Variants in PDE2A observed in about 807,000 individuals in gnomAD.
The protein encoded by PDE2A is phosphodiesterase 2A.
In PDE2A, 53 loss-of-function variants were observed where a neutral mutation model predicts 133.6. The observed-to-expected ratio is 0.40, with a 90% CI of 0.32 to 0.50. The LOEUF is 0.50. Among genes scored for constraint, PDE2A ranks in the 20% least tolerant of loss-of-function variants. The pLI is 0.73. For missense variants in PDE2A, 796 were observed against 1,232.4 expected (o/e 0.65, Z 5.30); for synonymous variants, 491 against 490.2 (o/e 1.00, Z -0.02).
intron 11 of PDE2A, 76 bp downstream of exon 11, chr11:72,589,675 A>G: frequency 8.2e-7 from 1 of 1,226,726 alleles, no homozygotes; most frequent in Non-Finnish European, 1.2e-6. Context: ...CAAATACTCC[A>G]GGCAGATCCC....
rs570818339 is a variant in PDE2A at position 72,596,713 on chromosome 11, G to A, written c.434-65C>T. On this transcript the variant is annotated intron_variant, in intron 5 of 30. Coordinates refer to ENST00000334456, the MANE Select transcript of PDE2A (RefSeq NM_002599.5). ...GCGAGGCTCAGAGATACCGAGCCGG[G>A]ACCCAGGTGGGGGAGACAAAGATGC... The A allele has an allele frequency of 1.8e-5, 19 of 1,079,292 alleles. No homozygotes were observed. In the African/African-American group the frequency reaches 2.8e-4, roughly 16 times the overall value. The allele number at this position is 1,079,292 out of a possible 1,614,324, so 66.9% of individuals were successfully genotyped here. A position where few individuals can be genotyped will look rare whatever the true frequency, so the allele number is the denominator to read the frequency against.
At chr11:72,640,016 C>T (rs980759066) in intron 2 of PDE2A, among the ~76,000 whole-genome samples, 2 of 152,070 alleles carry the variant, frequency 1.3e-5, no homozygotes, top group African/African-American at 2.4e-5. Context: ...GTCCTCAACA[C>T]CCCCAACACA....
At chr11:72,656,271 A>G (rs1854899527) in intron 1 of PDE2A, among the ~76,000 whole-genome samples, 1 of 152,192 alleles carries the variant, frequency 6.6e-6, no homozygotes, top group Non-Finnish European at 1.5e-5. Flanking sequence ...TTTCTTCATC[A>G]GGACAATGGG....
chr11:72,585,629 G>C (rs1435968870), intron 14 of PDE2A, 36 bp from the exon 15 acceptor site: 1 of 1,601,500 alleles, frequency 6.2e-7, no homozygotes, highest in Non-Finnish European at 8.5e-7. Context: ...AGGGGGGTCG[G>C]GGTGTAGGGG....
intron 4 of PDE2A, chr11:72,598,725 A>C: frequency 7.9e-7 from 1 of 1,268,732 alleles, no homozygotes; most frequent in South Asian, 1.3e-5. Context: ...TCACTAGGTC[A>C]GAGACTCTAG....
At chr11:72,625,990 G>T (rs1036506668) in intron 2 of PDE2A, among the ~76,000 whole-genome samples, 1 of 152,236 alleles carries the variant, frequency 6.6e-6, no homozygotes, top group Admixed American at 6.5e-5. Context: ...GCCCGGGGCC[G>T]CAGCATCTGG....
chr11:72,600,004 G>T (rs1176647247), intron 4 of PDE2A, among the ~76,000 whole-genome samples: 1 of 152,236 alleles, frequency 6.6e-6, no homozygotes, highest in Non-Finnish European at 1.5e-5. Flanking sequence ...AGGCAGACAG[G>T]AAAGGATGTC....
chr11:72,584,813 C>T (rs2135286593), intron 17 of PDE2A, 59 bp downstream of exon 17: 3 of 1,609,570 alleles, frequency 1.9e-6, no homozygotes, highest in Non-Finnish European at 1.7e-6. Context: ...CGCTCCCCAG[C>T]GCCGCCGGCG....
chr11:72,638,879 G>T (rs954068610), intron 2 of PDE2A, among the ~76,000 whole-genome samples: 7 of 152,224 alleles, frequency 4.6e-5, no homozygotes, highest in Admixed American at 3.9e-4. Flanking sequence ...TGTTGCCTGG[G>T]GAATGGCCAG....
chr11:72,645,688 G>A (rs1021769510), intron 1 of PDE2A, among the ~76,000 whole-genome samples: 2 of 152,238 alleles, frequency 1.3e-5, no homozygotes, highest in Non-Finnish European at 2.9e-5. Context: ...TGGAGTAGAT[G>A]CATCTCCTCC....
intron 3 of PDE2A, 149 bp downstream of exon 3, chr11:72,608,513 C>A (rs1686778915): frequency 1.9e-6 from 1 of 529,496 alleles, no homozygotes; most frequent in Admixed American, 3.0e-5. Flanking sequence ...CTCAGAACAC[C>A]CATCCAGACC....
At chr11:72,623,055 C>T (rs1857858094) in intron 2 of PDE2A, among the ~76,000 whole-genome samples, 1 of 152,100 alleles carries the variant, frequency 6.6e-6, no homozygotes, top group Non-Finnish European at 1.5e-5. Context: ...CCCTTTCCAG[C>T]GATCATGTCC....
intron 1 of PDE2A, among the ~76,000 whole-genome samples, chr11:72,664,518 C>T (rs528750870): frequency 4.6e-5 from 7 of 150,848 alleles, no homozygotes; most frequent in African/African-American, 7.3e-5. Flanking sequence ...GGACTACAGG[C>T]GCCCCCCACC....
chr11:72,671,447 A>C (rs1855382319), intron 1 of PDE2A, among the ~76,000 whole-genome samples: 1 of 152,152 alleles, frequency 6.6e-6, no homozygotes, highest in Non-Finnish European at 1.5e-5. Context: ...CTCCCAGTCC[A>C]TTAAGACCAA....
chr11:72,663,683 C>T (rs891314986), intron 1 of PDE2A, among the ~76,000 whole-genome samples: 7 of 148,394 alleles, frequency 4.7e-5, no homozygotes, highest in African/African-American at 1.8e-4. Context: ...GAGACAAGAT[C>T]GCACCACTGC....
chr11:72,583,737 G>A (rs1855828007), intron 19 of PDE2A, among the ~76,000 whole-genome samples: 1 of 152,052 alleles, frequency 6.6e-6, no homozygotes, highest in Non-Finnish European at 1.5e-5. Flanking sequence ...ATTTGGTCTG[G>A]CCCTTTGCAC....
rs1384998568 is a variant in PDE2A, at chr11:72,591,102, G to A, written c.549+195C>T. 4 of 629,962 alleles carry A rather than the reference G, an allele frequency of 6.3e-6. No homozygotes were observed. The Admixed American group carries it at 1.0e-4, about 16-fold the overall frequency. The allele number at this position is 629,962 out of a possible 1,614,324, so 39.0% of individuals were successfully genotyped here. A position where few individuals can be genotyped will look rare whatever the true frequency, so the allele number is the denominator to read the frequency against. ...TCACCACTGCCCTAGGTCAGTCGGT[G>A]CTATCATTATCCCCATTTTCAGGTG... On this transcript the variant is annotated intron_variant, in intron 7 of 30. Transcript: ENST00000334456.
intron 2 of PDE2A, among the ~76,000 whole-genome samples, chr11:72,628,176 T>C (rs1007456213): frequency 6.6e-6 from 1 of 152,214 alleles, no homozygotes; most frequent in African/African-American, 2.4e-5. Context: ...GATGTCATCC[T>C]TGAGGGAAAC....
intron 18 of PDE2A, 59 bp from the exon 19 acceptor site, chr11:72,584,372 G>A: frequency 7.7e-7 from 1 of 1,306,596 alleles, no homozygotes. Context: ...TTGGAGGGAG[G>A]GATCCGGCCG....
Sources: allele counts gnomAD v4.1 joint callset (sites outside exome capture counted in the v4.1 genomes callset), GRCh38; gene constraint gnomAD v4.1.1; transcripts MANE v1.5; gene names NCBI Gene and HGNC (gene_info 2026-07-23, HGNC 2026-07-21).